The following MED21 variants were observed in gnomAD, a reference collection of about 807,000 sequenced individuals.
The protein encoded by MED21 is mediator complex subunit 21, also known as mediator of RNA polymerase II transcription subunit 21.
MED21 carries 9 observed loss-of-function variants against 18.2 expected under a neutral mutation model. The observed-to-expected ratio is 0.49, with a 90% CI of 0.30 to 0.86. The LOEUF (loss-of-function observed/expected upper bound fraction) is 0.86, where lower values mean the gene tolerates loss of function less well. Among genes scored for constraint, MED21 ranks in the 40% least tolerant of loss-of-function variants. The probability of loss-of-function intolerance (pLI) is 0.07; values close to 1 mark genes in which losing one functional copy is unlikely to be tolerated. For synonymous variants in MED21, 73 were observed against 60.5 expected (o/e 1.21, Z -0.96); for missense variants, 150 against 170.9 (o/e 0.88, Z 0.68).
chr12:27,031,700 G>GA (rs966367601), downstream of MED21, among the ~76,000 whole-genome samples: 22 of 148,274 alleles, frequency 1.5e-4, no homozygotes, highest in South Asian at 8.5e-4. Context: ...ATGTAGCCAT[G>GA]AAAAAAAAAA....
At chr12:27,023,648 A>G (rs945389068) in intron 1 of MED21, among the ~76,000 whole-genome samples, 1 of 152,122 alleles carries the variant, frequency 6.6e-6, no homozygotes, top group South Asian at 2.1e-4. Flanking sequence ...TTAAAGGCCA[A>G]GTCTAGTAAG....
chr12:27,031,961 G>A (rs967023803), downstream of MED21, among the ~76,000 whole-genome samples: 1 of 152,098 alleles, frequency 6.6e-6, no homozygotes, highest in African/African-American at 2.4e-5. Context: ...GGATTAGGGG[G>A]TTCTCAAAGC....
chr12:27,031,418 C>T (rs1592337762), downstream of MED21, among the ~76,000 whole-genome samples: 1 of 152,222 alleles, frequency 6.6e-6, no homozygotes, highest in East Asian at 1.9e-4. Flanking sequence ...TCCTTGATAC[C>T]ATTCCCTGTA....
At chr12:27,038,615 G>T (rs1388362192) in intron 2 of MED21, 3 of 152,208 alleles carry the variant, frequency 2.0e-5, no homozygotes, top group African/African-American at 7.2e-5. Context: ...AATAATTTGT[G>T]CAGGGATAGA....
In MED21 at chr12:27,022,573, T is replaced by G; in HGVS notation, c.-7T>G. 1.3e-6 allele frequency: 2 copies of G among 1,542,942 alleles called. No individual in the cohort carries two copies. The highest frequency in any genetic ancestry group is 1.2e-5 in the South Asian group (1 of 84,296). ...CTGTTTTGGCGTCTGTTTGCTGCGG[T>G]AGGAACATGGCGGATCGGCTCACGC... On this transcript the variant is annotated 5_prime_UTR_variant, in exon 1 of 4. Transcript: ENST00000282892.
At chr12:27,032,587 T>G (rs75508565), downstream of MED21, among the ~76,000 whole-genome samples, 3,017 of 152,280 alleles carry the variant, frequency 0.02, 99 homozygotes, top group African/African-American at 0.068. Flanking sequence ...AACCTTTACT[T>G]GAGCCCTGTG....
chr12:27,024,123 A>G lies in MED21; in HGVS notation c.42+1502A>G, dbSNP rs550681841. Among the ~76,000 whole-genome samples the G allele has an allele frequency of 3.9e-5, 6 of 152,368 alleles. No homozygotes were observed. In the East Asian group the frequency reaches 1.2e-3, roughly 29 times the overall value. ...GACCAAGACGTCAGTGGGTATTCCC[A>G]TGCGGCAATGGGTGTACTTATTACC... On this transcript the variant is annotated intron_variant, in intron 1 of 3. Transcript: ENST00000282892.
At chr12:27,032,207 G>A (rs1047139574), downstream of MED21, among the ~76,000 whole-genome samples, 2 of 152,190 alleles carry the variant, frequency 1.3e-5, no homozygotes, top group Admixed American at 6.5e-5. Flanking sequence ...GGAATGAAAA[G>A]CTTCGTGATG....
At chr12:27,026,000 A>G (rs1330970696) in intron 1 of MED21, among the ~76,000 whole-genome samples, 1 of 152,190 alleles carries the variant, frequency 6.6e-6, no homozygotes, top group Non-Finnish European at 1.5e-5. Context: ...TACTTTGTGC[A>G]TGAGAAATAA....
chr12:27,034,806 G>A (rs1310139910), downstream of MED21, among the ~76,000 whole-genome samples: 2 of 151,932 alleles, frequency 1.3e-5, no homozygotes, highest in African/African-American at 2.4e-5. Context: ...GCTGGAGTGC[G>A]GTGGCGTGAT....
At chr12:27,033,986 C>T (rs1941635000), downstream of MED21, among the ~76,000 whole-genome samples, 1 of 152,028 alleles carries the variant, frequency 6.6e-6, no homozygotes, top group Admixed American at 6.6e-5. Flanking sequence ...AACAACCATA[C>T]TGTAGAAAAA....
At position 27,029,183 on chromosome 12, in the gene MED21, GTT is replaced by G. The variant is rs1277003831; in HGVS notation, c.*727_*728del. 3 of 985,172 alleles carry G rather than the reference GTT, an allele frequency of 3.0e-6. No individual in the cohort carries two copies. The highest frequency in any genetic ancestry group is 3.6e-6 in the Non-Finnish European group (3 of 829,872). The allele number at this position is 985,172 out of a possible 1,614,324, so 61.0% of individuals were successfully genotyped here. ...TTTGCTTGTCATCACAATGAAGTAT[GTT>G]TTTTGAATCATCAATTCTTTCTCAT... On this transcript the variant is annotated 3_prime_UTR_variant, in exon 4 of 4. Transcript: ENST00000282892.
rs1015427167 is a variant in MED21 at position 27,029,020 on chromosome 12, C to T, written c.*559C>T. 3.0e-6 allele frequency: 3 copies of T among 984,890 alleles called. No individual in the cohort carries two copies. In the African/African-American group the frequency reaches 5.2e-5, roughly 17 times the overall value. 61.0% of individuals were successfully genotyped at this position (984,890 alleles called of 1,614,324 possible). ...ATGTTTCTTCTGCTAGAACCTCATA[C>T]CTGTTCTAGTTCATCTCCACGTTTA... On this transcript the variant is annotated 3_prime_UTR_variant, in exon 4 of 4. Coordinates refer to ENST00000282892, the MANE Select transcript of MED21 (RefSeq NM_004264.5).
At chr12:27,022,953 C>A in intron 1 of MED21, 3 of 1,146,086 alleles carry the variant, frequency 2.6e-6, no homozygotes, top group Non-Finnish European at 2.2e-6. Flanking sequence ...GTGGTGCTTA[C>A]GGGTTCTCTT....
rs776163306 is a variant in MED21, at chr12:27,022,616, A to G, written c.37A>G (p.Asn13Asp). 1 of 1,592,072 alleles carries G rather than the reference A, an allele frequency of 6.3e-7. No individual in the cohort carries two copies. The highest frequency in any genetic ancestry group is 8.6e-7 in the Non-Finnish European group (1 of 1,164,644). ...GCTCACGCAGCTTCAGGACGCTGTGAATTCGGTGAGGAATTTCATTCGATT... is the reference window on the plus strand; with the variant it reads ...GCTCACGCAGCTTCAGGACGCTGTGGATTCGGTGAGGAATTTCATTCGATT... Reference protein sequence around the residue: ...DRLTQLQDAVNSLADQFCNAI... With the variant: ...DRLTQLQDAVDSLADQFCNAI... The change falls in exon 1 of 4, where the codon AAT becomes GAT. Residue 13 changes from asparagine (N) to aspartate (D), a missense_variant. Coordinates refer to ENST00000282892, the MANE Select transcript of MED21 (RefSeq NM_004264.5).
downstream of MED21, among the ~76,000 whole-genome samples, chr12:27,030,912 GC>G (rs1302239249): frequency 1.3e-5 from 2 of 152,046 alleles, no homozygotes; most frequent in African/African-American, 4.8e-5. Flanking sequence ...AATTTAAGGA[GC>G]CAATTTCTTT....
Position 27,030,477 on chromosome 12 carries a change from ATAAAT to A in MED21, c.*2020_*2024del. The A allele has an allele frequency of 3.0e-6, 1 of 331,220 alleles. No individual in the cohort carries two copies. Among genetic ancestry groups the A allele is most frequent in the Non-Finnish European group, 5.4e-6 (1 of 185,568 alleles). 20.5% of individuals were successfully genotyped at this position (331,220 alleles called of 1,614,324 possible). A position where few individuals can be genotyped will look rare whatever the true frequency, so the allele number is the denominator to read the frequency against. ...CTACAGATTATTTTCAAAAGCATTAATAAATTAAGGTGGAATACTAAAAAAGATTC... is the reference window on the plus strand; with the variant it reads ...CTACAGATTATTTTCAAAAGCATTAATAAGGTGGAATACTAAAAAAGATTC... On this transcript the variant is annotated 3_prime_UTR_variant, in exon 4 of 4. Coordinates refer to ENST00000282892, the MANE Select transcript of MED21 (RefSeq NM_004264.5).
chr12:27,031,464 T>G (rs902663967), downstream of MED21, among the ~76,000 whole-genome samples: 16 of 152,168 alleles, frequency 1.1e-4, no homozygotes, highest in Admixed American at 2.0e-4. Context: ...TCACTTTGAT[T>G]TAATATAAGT....
chr12:27,035,805 A>G (rs1941646260), intron 2 of MED21, among the ~76,000 whole-genome samples: 1 of 151,666 alleles, frequency 6.6e-6, no homozygotes, highest in Non-Finnish European at 1.5e-5. Flanking sequence ...TCCATGGTGT[A>G]TATGTGCCAC....
Sources: allele counts gnomAD v4.1 joint callset (sites outside exome capture counted in the v4.1 genomes callset), GRCh38; gene constraint gnomAD v4.1.1; transcripts MANE v1.5; gene names NCBI Gene and HGNC (gene_info 2026-07-23, HGNC 2026-07-21).